Variants in ANXA8 observed in about 807,000 individuals in gnomAD.
ANXA8 encodes the protein VAC-beta.
A neutral mutation model predicts 26.8 loss-of-function variants in ANXA8; 9 were observed. That is an observed-to-expected ratio of 0.34 (90% CI 0.20 to 0.59). ANXA8 has a LOEUF of 0.59. Ranked by LOEUF, ANXA8 falls within the 20% of genes least tolerant of loss-of-function variation. The pLI, the probability that ANXA8 is intolerant of heterozygous loss-of-function variation, is 0.84. For synonymous variants in ANXA8, 39 were observed against 94.8 expected, an observed-to-expected ratio of 0.41 and a Z score of 3.42; for missense variants, 83 against 238.5, an observed-to-expected ratio of 0.35 and a Z score of 4.29.
chr10:47,687,583 T>C, the ANXA8 span, among the ~76,000 whole-genome samples: 1 of 151,850 alleles, frequency 6.6e-6, no homozygotes, highest in Non-Finnish European at 1.5e-5. Flanking sequence ...CATTTCAAGA[T>C]AATATATTTC....
the ANXA8 span, among the ~76,000 whole-genome samples, chr10:47,952,767 T>C: frequency 3.4e-5 from 5 of 148,990 alleles, 1 homozygote; most frequent in African/African-American, 1.3e-4. Context: ...TGAAGACATG[T>C]GGTATAGGTT....
At chr10:47,607,776 G>T in the ANXA8 span, among the ~76,000 whole-genome samples, 106 of 107,932 alleles carry the variant, frequency 9.8e-4, 2 homozygotes, top group African/African-American at 4.0e-3. Context: ...TATAAACAAA[G>T]CTAAAAGACA....
the ANXA8 span, among the ~76,000 whole-genome samples, chr10:47,660,890 G>T: frequency 6.6e-6 from 1 of 151,246 alleles, no homozygotes; most frequent in African/African-American, 2.4e-5. Context: ...GCAGACCAAG[G>T]TATATTTTGG....
chr10:47,627,644 T>C, the ANXA8 span, among the ~76,000 whole-genome samples: 1 of 150,298 alleles, frequency 6.7e-6, no homozygotes, highest in East Asian at 1.9e-4. Flanking sequence ...CTATTCCTAG[T>C]ACTTAACTTT....
the ANXA8 span, among the ~76,000 whole-genome samples, chr10:47,710,982 A>T: frequency 6.8e-6 from 1 of 146,992 alleles, no homozygotes; most frequent in African/African-American, 2.6e-5. Context: ...TTTAGTGAAG[A>T]TCTTACCTCC....
the ANXA8 span, among the ~76,000 whole-genome samples, chr10:47,765,784 C>G: frequency 2.0e-5 from 3 of 150,384 alleles, no homozygotes; most frequent in African/African-American, 7.4e-5. Context: ...TGTTGTCTTC[C>G]AGGCTCCCCT....
the ANXA8 span, among the ~76,000 whole-genome samples, chr10:47,686,224 AC>A: frequency 2.2e-5 from 3 of 134,480 alleles, no homozygotes; most frequent in African/African-American, 8.3e-5. Flanking sequence ...AGCTCCTATC[AC>A]TTTTTTTTTT....
At chr10:47,674,834 C>T in the ANXA8 span, among the ~76,000 whole-genome samples, 2 of 151,688 alleles carry the variant, frequency 1.3e-5, no homozygotes, top group African/African-American at 2.4e-5. Context: ...CAGCTTTGGC[C>T]ACTGGGAGCT....
the ANXA8 span, among the ~76,000 whole-genome samples, chr10:47,547,294 G>A: frequency 7.1e-6 from 1 of 140,404 alleles, no homozygotes; most frequent in Non-Finnish European, 1.5e-5. Context: ...AGGAGGCAGA[G>A]CTACAGTACT....
the ANXA8 span, among the ~76,000 whole-genome samples, chr10:47,575,252 A>G: frequency 7.2e-6 from 1 of 138,958 alleles, no homozygotes; most frequent in African/African-American, 2.7e-5. Context: ...AGAAGGAAGG[A>G]AGGAAAGAAA....
At chr10:47,599,539 T>G in the ANXA8 span, 1 of 146,852 alleles carries the variant, frequency 6.8e-6, no homozygotes, top group African/African-American at 2.7e-5. Context: ...CAAAAAAGAT[T>G]TGACAAAAAC....
the ANXA8 span, among the ~76,000 whole-genome samples, chr10:47,942,269 G>C: frequency 6.8e-6 from 1 of 146,120 alleles, no homozygotes; most frequent in Non-Finnish European, 1.5e-5. Context: ...AGTGGAGGCT[G>C]GTTTGAGTCA....
At chr10:47,761,232 T>C in the ANXA8 span, among the ~76,000 whole-genome samples, 2 of 148,270 alleles carry the variant, frequency 1.3e-5, no homozygotes, top group Non-Finnish European at 3.0e-5. Context: ...GACCTGTTGC[T>C]TATGTGCACT....
intron 1 of ANXA8, 129 bp downstream of exon 1, chr10:47,483,784 G>T (rs1839943034): frequency 1.2e-6 from 2 of 1,603,906 alleles, no homozygotes; most frequent in African/African-American, 1.4e-5. Context: ...TCCATGCTTG[G>T]CCCAGGAGGC....
chr10:47,914,973 G>A, the ANXA8 span, among the ~76,000 whole-genome samples: 1 of 152,290 alleles, frequency 6.6e-6, no homozygotes, highest in African/African-American at 2.4e-5. Flanking sequence ...AATGTGTGAG[G>A]ATCTTTGGTT....
At chr10:47,624,622 A>AC in the ANXA8 span, among the ~76,000 whole-genome samples, 1 of 71,210 alleles carries the variant, frequency 1.4e-5, no homozygotes, top group Non-Finnish European at 3.0e-5. Context: ...ATCAAAAAGC[A>AC]CCACTGTTGA....
the ANXA8 span, among the ~76,000 whole-genome samples, chr10:47,979,154 T>C: frequency 6.6e-6 from 1 of 151,220 alleles, no homozygotes; most frequent in Non-Finnish European, 1.5e-5. Flanking sequence ...ATGCACTTAA[T>C]AGCAGAGATC....
chr10:47,681,591 G>A, the ANXA8 span, among the ~76,000 whole-genome samples: 34 of 122,508 alleles, frequency 2.8e-4, no homozygotes, highest in African/African-American at 1.1e-3. Context: ...GAGTGCAGTG[G>A]CACAATCACG....
At chr10:47,749,673 G>GC in the ANXA8 span, among the ~76,000 whole-genome samples, 1 of 118,318 alleles carries the variant, frequency 8.5e-6, no homozygotes, top group Admixed American at 1.2e-4. Context: ...ACCAATGGTA[G>GC]GGGGGGAAAC....
Sources: gnomAD v4.1 joint callset for allele counts (sites outside exome capture counted in the v4.1 genomes callset) on GRCh38, gnomAD v4.1.1 for gene constraint, MANE v1.5 for transcripts, NCBI Gene and HGNC (gene_info 2026-07-23, HGNC 2026-07-21) for gene names.